The following PID1 variants were observed in gnomAD, a reference collection of about 807,000 sequenced individuals.
The protein encoded by PID1 is PTB-containing, cubilin and LRP1-interacting protein.
A neutral mutation model predicts 19.1 loss-of-function variants in PID1; 10 were observed. That is an observed-to-expected ratio of 0.52 (90% CI 0.32 to 0.89). The LOEUF is 0.89. Among genes scored for constraint, PID1 ranks in the 40% least tolerant of loss-of-function variants. PID1 has a pLI of 0.03. For synonymous variants in PID1, 130 were observed against 116.0 expected, an observed-to-expected ratio of 1.12 and a Z score of -0.78; for missense variants, 248 against 285.3, an observed-to-expected ratio of 0.87 and a Z score of 0.94.
chr2:229,142,559 C>T (rs62190386), intron 2 of PID1, among the ~76,000 whole-genome samples: 1 of 151,838 alleles, frequency 6.6e-6, no homozygotes, highest in African/African-American at 2.4e-5. Flanking sequence ...TTTTCCTAAG[C>T]AAATTTATTT....
intron 2 of PID1, among the ~76,000 whole-genome samples, chr2:229,096,730 C>T (rs936856850): frequency 1.3e-5 from 2 of 152,144 alleles, no homozygotes; most frequent in Admixed American, 1.3e-4. Context: ...GCTTCTATCT[C>T]CTTGGGAGGA....
At chr2:229,034,053 A>C (rs1254326639) in intron 2 of PID1, among the ~76,000 whole-genome samples, 1 of 152,198 alleles carries the variant, frequency 6.6e-6, no homozygotes, top group Non-Finnish European at 1.5e-5. Flanking sequence ...TTTCCCAACA[A>C]TCTAAACCAC....
At chr2:229,231,460 T>C (rs1692203988) in intron 1 of PID1, among the ~76,000 whole-genome samples, 2 of 152,000 alleles carry the variant, frequency 1.3e-5, no homozygotes, top group Admixed American at 1.3e-4. Context: ...ACAGAAACAA[T>C]GTCTCCCACT....
At chr2:229,192,152 C>G (rs887186086) in intron 1 of PID1, among the ~76,000 whole-genome samples, 1 of 152,020 alleles carries the variant, frequency 6.6e-6, no homozygotes, top group Non-Finnish European at 1.5e-5. Flanking sequence ...TACTTTTTGC[C>G]AGTAATTAAG....
chr2:229,098,729 G>C (rs1378553937), intron 2 of PID1, among the ~76,000 whole-genome samples: 1 of 152,122 alleles, frequency 6.6e-6, no homozygotes, highest in East Asian at 1.9e-4. Context: ...GCTTTCCAAA[G>C]CTCTGCTCCT....
intron 2 of PID1, among the ~76,000 whole-genome samples, chr2:229,099,322 A>G (rs1695031747): frequency 6.6e-6 from 1 of 152,208 alleles, no homozygotes; most frequent in Non-Finnish European, 1.5e-5. Flanking sequence ...ACTTTCCCAC[A>G]TATTAGGCAG....
At chr2:229,158,745 G>A (rs1008110338) in intron 1 of PID1, among the ~76,000 whole-genome samples, 1 of 152,100 alleles carries the variant, frequency 6.6e-6, no homozygotes, top group African/African-American at 2.4e-5. Flanking sequence ...ACACACACAA[G>A]TACCTTCGCC....
intron 1 of PID1, among the ~76,000 whole-genome samples, chr2:229,226,397 T>C (rs1376567593): frequency 1.3e-5 from 2 of 152,220 alleles, no homozygotes; most frequent in African/African-American, 4.8e-5. Context: ...GCAAAAGATG[T>C]TGCTGAATCC....
intron 2 of PID1, among the ~76,000 whole-genome samples, chr2:229,134,707 G>T (rs6753998): frequency 0.014 from 2,099 of 152,198 alleles, 41 homozygotes; most frequent in African/African-American, 0.048. Context: ...GCATAAAGAT[G>T]AATGCAGAGT....
chr2:229,184,102 ATATCCCATATG>A (rs1691026973), intron 1 of PID1, among the ~76,000 whole-genome samples: 1 of 24,880 alleles, frequency 4.0e-5, no homozygotes, highest in African/African-American at 3.2e-4. Context: ...TCCCATATGT[ATATCCCATATG>A]TATATCCCAT....
intron 1 of PID1, among the ~76,000 whole-genome samples, chr2:229,219,503 T>G (rs1691918931): frequency 6.6e-6 from 1 of 152,126 alleles, no homozygotes; most frequent in Admixed American, 6.5e-5. Flanking sequence ...AATGTGGGGA[T>G]TATGGGAACG....
intron 1 of PID1, among the ~76,000 whole-genome samples, chr2:229,233,599 C>A (rs190365638): frequency 1.3e-5 from 2 of 151,584 alleles, no homozygotes; most frequent in East Asian, 3.9e-4. Flanking sequence ...TCAAGCGATT[C>A]TCTTGCCTCA....
intron 1 of PID1, among the ~76,000 whole-genome samples, chr2:229,213,892 ATCT>A (rs1324097417): frequency 6.6e-6 from 1 of 152,220 alleles, no homozygotes; most frequent in East Asian, 1.9e-4. Context: ...ACTCTACATA[ATCT>A]TTAACTATGT....
chr2:229,161,742 A>C (rs1441519719), intron 1 of PID1, among the ~76,000 whole-genome samples: 1 of 152,206 alleles, frequency 6.6e-6, no homozygotes, highest in Non-Finnish European at 1.5e-5. Context: ...CCACCTCTCA[A>C]GAAACAGCCA....
chr2:229,108,628 C>A (rs1327080819), intron 2 of PID1, among the ~76,000 whole-genome samples: 4 of 152,086 alleles, frequency 2.6e-5, no homozygotes, highest in Non-Finnish European at 4.4e-5. Context: ...ACAGTCTAGG[C>A]AGAAGGAACA....
At chr2:229,137,789 T>C (rs904970623) in intron 2 of PID1, among the ~76,000 whole-genome samples, 3 of 152,182 alleles carry the variant, frequency 2.0e-5, no homozygotes, top group Admixed American at 2.0e-4. Context: ...TTTCTGTAAA[T>C]GAAGCACTTT....
intron 2 of PID1, among the ~76,000 whole-genome samples, chr2:229,089,153 CTTT>C (rs1468862848): frequency 1.3e-5 from 2 of 152,132 alleles, no homozygotes; most frequent in Non-Finnish European, 2.9e-5. Context: ...GTTGTTCATT[CTTT>C]TTTAACACAC....
At chr2:229,142,311 T>G (rs1690032495) in intron 2 of PID1, among the ~76,000 whole-genome samples, 1 of 152,120 alleles carries the variant, frequency 6.6e-6, no homozygotes. Context: ...TGGCTAAAAT[T>G]AGCAAGTTAG....
intron 1 of PID1, among the ~76,000 whole-genome samples, chr2:229,191,499 A>G (rs1264347047): frequency 6.6e-6 from 1 of 152,204 alleles, no homozygotes; most frequent in Non-Finnish European, 1.5e-5. Flanking sequence ...GAAGTGATAC[A>G]TCCATCAGTG....
Sources: gnomAD v4.1 joint callset for allele counts (sites outside exome capture counted in the v4.1 genomes callset) on GRCh38, gnomAD v4.1.1 for gene constraint, MANE v1.5 for transcripts, NCBI Gene and HGNC (gene_info 2026-07-23, HGNC 2026-07-21) for gene names.